PACRG: variants seen among roughly 807,000 people sequenced by gnomAD.
The protein encoded by PACRG is parkin coregulated.
Under a neutral mutation model 29.7 loss-of-function variants are expected in PACRG, and 29 were observed. The observed-to-expected ratio is 0.98, with a 90% CI of 0.73 to 1.33. The LOEUF is 1.33. PACRG is among the 40% of genes most tolerant of loss of function. PACRG has a pLI of 0.00. For synonymous variants in PACRG, 116 were observed against 118.7 expected, an observed-to-expected ratio of 0.98 and a Z score of 0.15; for missense variants, 279 against 316.2, an observed-to-expected ratio of 0.88 and a Z score of 0.89.
intron 2 of PACRG, among the ~76,000 whole-genome samples, chr6:162,947,359 A>G (rs1182442710): frequency 5.4e-5 from 2 of 36,702 alleles, no homozygotes; most frequent in African/African-American, 2.1e-4. Context: ...ACATATATAT[A>G]ATGTAATCAT....
At chr6:163,290,882 C>T (rs561465033) in intron 4 of PACRG, among the ~76,000 whole-genome samples, 2 of 152,230 alleles carry the variant, frequency 1.3e-5, no homozygotes, top group East Asian at 1.9e-4. Flanking sequence ...GGGGCATTGG[C>T]GGGTAGGGTT....
At chr6:163,111,351 T>C (rs911114092) in intron 4 of PACRG, among the ~76,000 whole-genome samples, 16 of 152,208 alleles carry the variant, frequency 1.1e-4, no homozygotes, top group South Asian at 4.1e-4. Flanking sequence ...ATGAAGTAGA[T>C]GCTATTGATA....
intron 2 of PACRG, among the ~76,000 whole-genome samples, chr6:162,928,387 G>A (rs545504831): frequency 6.6e-6 from 1 of 151,732 alleles, no homozygotes; most frequent in African/African-American, 2.4e-5. Flanking sequence ...TGATTTAAAT[G>A]TATGTGGGTC....
chr6:163,054,528 AGGAGGAACTGCTGC>A (rs1810362581), intron 2 of PACRG, among the ~76,000 whole-genome samples: 1 of 152,190 alleles, frequency 6.6e-6, no homozygotes, highest in African/African-American at 2.4e-5. Context: ...AGAGTCCCTA[AGGAGGAACTGCTGC>A]GGGACTTTTC....
At chr6:162,928,581 T>C (rs1004323755) in intron 2 of PACRG, among the ~76,000 whole-genome samples, 4 of 152,076 alleles carry the variant, frequency 2.6e-5, no homozygotes, top group Admixed American at 2.6e-4. Flanking sequence ...GTGATATCCA[T>C]CACCTTAAAG....
At chr6:162,743,727 T>G (rs1002435184) in intron 1 of PACRG, among the ~76,000 whole-genome samples, 12 of 152,202 alleles carry the variant, frequency 7.9e-5, no homozygotes, top group African/African-American at 2.7e-4. Flanking sequence ...TTCATATACA[T>G]ATAATTCACT....
intron 4 of PACRG, among the ~76,000 whole-genome samples, chr6:163,265,886 ATATTTT>A (rs1783514878): frequency 6.6e-6 from 1 of 152,200 alleles, no homozygotes; most frequent in South Asian, 2.1e-4. Context: ...AATTAATCTA[ATATTTT>A]GACTACTGTA....
At chr6:162,740,895 A>T (rs970737835) in intron 1 of PACRG, among the ~76,000 whole-genome samples, 2 of 152,092 alleles carry the variant, frequency 1.3e-5, no homozygotes, top group African/African-American at 4.8e-5. Context: ...CACCACGCCC[A>T]GCCATTTCAA....
chr6:163,201,654 C>G (rs1585327755), intron 4 of PACRG, among the ~76,000 whole-genome samples: 2 of 152,196 alleles, frequency 1.3e-5, no homozygotes, highest in Non-Finnish European at 2.9e-5. Context: ...TCATGGGCCC[C>G]CACCCAAGGA....
intron 1 of PACRG, among the ~76,000 whole-genome samples, chr6:162,747,165 G>T (rs145606101): frequency 2.6e-5 from 4 of 151,046 alleles, no homozygotes; most frequent in African/African-American, 9.7e-5. Context: ...TTAATCAGCT[G>T]CCAGCACGGC....
rs150272176 is a variant in PACRG at position 163,170,114 on chromosome 6, T to C, written c.613+80706T>C. Among the ~76,000 whole-genome samples the C allele has an allele frequency of 9.8e-3, 1,488 of 152,196 alleles. 20 individuals carry two copies. The highest frequency in any genetic ancestry group is 0.034 in the African/African-American group (1,419 of 41,534). ...GGAGCTGGAAGTCAGGGCTTCAACA[T>C]AGGAATTTTAGAGGCTGAAAGGTGA... On this transcript the variant is annotated intron_variant, in intron 4 of 4. Transcript: ENST00000366888.
Position 163,205,259 on chromosome 6 carries a change from G to A in PACRG, c.614-109568G>A, listed in dbSNP as rs1780856620. Among the ~76,000 whole-genome samples, 3 of 152,034 alleles carry A rather than the reference G, an allele frequency of 2.0e-5. No homozygotes were observed. The South Asian group carries it at 6.2e-4, about 32-fold the overall frequency. On this transcript the variant is annotated intron_variant, in intron 4 of 4. Coordinates refer to ENST00000366888, the MANE Select transcript of PACRG (RefSeq NM_001080379.2). ...ACCAAAAAGAGACTGAATAGCCAAGGAAATCTTAAGCAAAAAGAACAAAGC... is the reference window on the plus strand; with the variant it reads ...ACCAAAAAGAGACTGAATAGCCAAGAAAATCTTAAGCAAAAAGAACAAAGC...
intron 1 of PACRG, among the ~76,000 whole-genome samples, chr6:162,778,435 A>G (rs7769686): frequency 0.095 from 14,435 of 152,254 alleles, 789 homozygotes; most frequent in Middle Eastern, 0.17. Context: ...TAAAGCACAT[A>G]TAACCTGTCA....
At chr6:163,264,755 C>T (rs1363143432) in intron 4 of PACRG, among the ~76,000 whole-genome samples, 6 of 152,106 alleles carry the variant, frequency 3.9e-5, no homozygotes, top group East Asian at 1.9e-4. Context: ...AGGCTTAGGA[C>T]GGAGGAGTTG....
chr6:163,208,789 C>T (rs918279235), intron 4 of PACRG, among the ~76,000 whole-genome samples: 6 of 152,174 alleles, frequency 3.9e-5, no homozygotes, highest in African/African-American at 1.4e-4. Flanking sequence ...GGATTAGCAT[C>T]TCTTAGAATT....
chr6:163,050,673 G>T (rs1275595347), intron 2 of PACRG, among the ~76,000 whole-genome samples: 1 of 152,156 alleles, frequency 6.6e-6, no homozygotes, highest in Non-Finnish European at 1.5e-5. Flanking sequence ...TTGTATTGTA[G>T]ATGAATAACT....
At chr6:162,995,545 AC>A (rs941150174) in intron 2 of PACRG, among the ~76,000 whole-genome samples, 3 of 151,964 alleles carry the variant, frequency 2.0e-5, no homozygotes, top group African/African-American at 7.3e-5. Context: ...CAGAAAGCGA[AC>A]TCCCTGACCC....
In PACRG at chr6:163,127,101, T is replaced by C. The variant is rs141945469; in HGVS notation, c.613+37693T>C. On this transcript the variant is annotated intron_variant, in intron 4 of 4. Transcript: ENST00000366888. ...TGCCTTCAGTTTTTTTATGAGACTA[T>C]GTAAATGAATGCCAACAGGGTCAAT... Among the ~76,000 whole-genome samples the C allele has an allele frequency of 2.8e-3, 422 of 152,342 alleles. 3 individuals carry two copies. Among genetic ancestry groups the C allele is most frequent in the Non-Finnish European group, 3.2e-3 (219 of 68,032 alleles).
At chr6:163,079,420 AAG>A (rs1286619995) in intron 3 of PACRG, among the ~76,000 whole-genome samples, 15 of 146,076 alleles carry the variant, frequency 1.0e-4, no homozygotes, top group African/African-American at 4.2e-4. Flanking sequence ...AAAAAAAAAA[AAG>A]AAAGAAAGAA....
Sources: allele counts gnomAD v4.1 joint callset (sites outside exome capture counted in the v4.1 genomes callset), GRCh38; gene constraint gnomAD v4.1.1; transcripts MANE v1.5; gene names NCBI Gene and HGNC (gene_info 2026-07-23, HGNC 2026-07-21).